Variants in SYT16 observed in about 807,000 individuals in gnomAD.
The protein encoded by SYT16 is synaptotagmin-16.
In SYT16, 42 loss-of-function variants were observed where a neutral mutation model predicts 61.4. The ratio of observed to expected loss-of-function variants is 0.68; its 90% CI spans 0.53 to 0.89. The LOEUF is 0.89. Ranked by LOEUF, SYT16 falls within the 40% of genes least tolerant of loss-of-function variation. The probability of loss-of-function intolerance (pLI) is 0.00; values close to 1 mark genes in which losing one functional copy is unlikely to be tolerated. For synonymous variants in SYT16, 314 were observed against 302.3 expected, an observed-to-expected ratio of 1.04 and a Z score of -0.40; for missense variants, 804 against 807.3, an observed-to-expected ratio of 1.00 and a Z score of 0.05.
At chr14:62,065,698 G>A (rs1036015328) in intron 3 of SYT16, among the ~76,000 whole-genome samples, 2 of 152,110 alleles carry the variant, frequency 1.3e-5, no homozygotes, top group Non-Finnish European at 2.9e-5. Context: ...GTCTAATCCA[G>A]ACACCCCTCA....
chr14:61,871,834 G>C (rs1165185252), intron 1 of SYT16, among the ~76,000 whole-genome samples: 1 of 152,064 alleles, frequency 6.6e-6, no homozygotes, highest in Non-Finnish European at 1.5e-5. Context: ...TTTTCTTTCA[G>C]TAGTTTTTGT....
chr14:62,066,390 G>T (rs557437051), intron 3 of SYT16, among the ~76,000 whole-genome samples: 1 of 152,254 alleles, frequency 6.6e-6, no homozygotes, highest in East Asian at 1.9e-4. Context: ...CAGTTTTCTT[G>T]GAAAAATGGA....
At position 61,890,489 on chromosome 14, in the gene SYT16, C is replaced by T. The variant is rs1447151115; in HGVS notation, c.-325+77679C>T. Among the ~76,000 whole-genome samples, 8 of 124,162 alleles carry T rather than the reference C, an allele frequency of 6.4e-5. No individual in the cohort carries two copies. The South Asian group carries it at 1.9e-3, about 29-fold the overall frequency. The allele number at this position is 124,162 out of a possible 152,430, so 81.5% of individuals were successfully genotyped here. A position where few individuals can be genotyped will look rare whatever the true frequency, so the allele number is the denominator to read the frequency against. On this transcript the variant is annotated intron_variant, in intron 1 of 7. Coordinates refer to ENST00000683842, the MANE Select transcript of SYT16 (RefSeq NM_001367656.1). ...GTCTTAAATATAGTCAAGAATGTTTCCTTCATGACAAAAAAAAAAAAAAAC... is the reference window on the plus strand; with the variant it reads ...GTCTTAAATATAGTCAAGAATGTTTTCTTCATGACAAAAAAAAAAAAAAAC...
intron 6 of SYT16, 31 bp downstream of exon 6, chr14:62,081,305 G>A: frequency 6.3e-7 from 1 of 1,590,744 alleles, no homozygotes; most frequent in South Asian, 1.1e-5. Context: ...TGCTAATGAT[G>A]TGGTGTGTTC....
chr14:62,043,370 T>A (rs1253966482), intron 3 of SYT16, among the ~76,000 whole-genome samples: 2 of 151,920 alleles, frequency 1.3e-5, no homozygotes, highest in Non-Finnish European at 2.9e-5. Context: ...GACTTTCTTT[T>A]TTAAAAAATC....
chr14:61,911,328 C>T (rs912748930), intron 1 of SYT16, among the ~76,000 whole-genome samples: 1 of 152,132 alleles, frequency 6.6e-6, no homozygotes, highest in Non-Finnish European at 1.5e-5. Context: ...TAATGTTTGG[C>T]CCTGATTTAG....
chr14:61,968,189 A>G (rs2353247), intron 1 of SYT16, among the ~76,000 whole-genome samples: 64,311 of 151,964 alleles, frequency 0.42, 14,201 homozygotes, highest in East Asian at 0.76. Context: ...TAAACTCAGG[A>G]GGCGGAGGTT....
At chr14:62,099,117 A>T (rs917113087) in intron 7 of SYT16, among the ~76,000 whole-genome samples, 2 of 152,182 alleles carry the variant, frequency 1.3e-5, no homozygotes, top group Admixed American at 6.5e-5. Flanking sequence ...CTACACCAAG[A>T]AATTGAGCTC....
chr14:62,093,054 A>G (rs1595397895), intron 7 of SYT16, among the ~76,000 whole-genome samples: 1 of 152,058 alleles, frequency 6.6e-6, no homozygotes, highest in Admixed American at 6.6e-5. Flanking sequence ...AGCAGGCTGT[A>G]TGTATGTGGG....
chr14:61,931,218 A>G (rs577833075), intron 1 of SYT16, among the ~76,000 whole-genome samples: 2 of 152,340 alleles, frequency 1.3e-5, no homozygotes, highest in South Asian at 4.1e-4. Flanking sequence ...TAAATAATGA[A>G]TAAATGAAAA....
chr14:61,902,077 G>T (rs554547164), intron 1 of SYT16, among the ~76,000 whole-genome samples: 23 of 152,178 alleles, frequency 1.5e-4, no homozygotes, highest in African/African-American at 4.3e-4. Flanking sequence ...TATAATTATT[G>T]AAAGGTCTCC....
chr14:61,832,130 C>A, intron 1 of SYT16: 1 of 718,930 alleles, frequency 1.4e-6, no homozygotes, highest in South Asian at 1.4e-5. Flanking sequence ...TGTGATACAA[C>A]TCGACTTTCC....
At chr14:62,097,904 A>G (rs1022138297) in intron 7 of SYT16, among the ~76,000 whole-genome samples, 8 of 152,234 alleles carry the variant, frequency 5.3e-5, no homozygotes, top group African/African-American at 1.9e-4. Context: ...CTTTTTCTAC[A>G]GGAATCATGT....
intron 2 of SYT16, among the ~76,000 whole-genome samples, chr14:61,994,979 T>A (rs557834593): frequency 1.3e-5 from 2 of 152,196 alleles, no homozygotes; most frequent in Non-Finnish European, 2.9e-5. Flanking sequence ...TTAAGCAGTG[T>A]GTTAGGCCCT....
chr14:61,859,043 TAGAG>T (rs898290274), intron 1 of SYT16, among the ~76,000 whole-genome samples: 7 of 151,440 alleles, frequency 4.6e-5, no homozygotes, highest in African/African-American at 1.7e-4. Flanking sequence ...GTATTTTTAG[TAGAG>T]ACGGGGTTTC....
chr14:62,045,265 T>A (rs1270748018), intron 3 of SYT16, among the ~76,000 whole-genome samples: 3 of 152,180 alleles, frequency 2.0e-5, no homozygotes, highest in Non-Finnish European at 2.9e-5. Flanking sequence ...TTTACATTAT[T>A]CTCATATAAT....
intron 3 of SYT16, among the ~76,000 whole-genome samples, chr14:62,047,469 C>T (rs548099956): frequency 7.7e-4 from 117 of 152,226 alleles, no homozygotes; most frequent in African/African-American, 2.6e-3. Context: ...CCGTTATTTC[C>T]TTCTCCTGCC....
intron 1 of SYT16, among the ~76,000 whole-genome samples, chr14:61,930,190 C>T (rs2049707854): frequency 6.6e-6 from 1 of 152,092 alleles, no homozygotes; most frequent in South Asian, 2.1e-4. Context: ...ATGGCTTGAT[C>T]TGCTCCTATC....
intron 5 of SYT16, among the ~76,000 whole-genome samples, chr14:62,078,936 A>G (rs1473245558): frequency 6.6e-6 from 1 of 152,248 alleles, no homozygotes. Context: ...GTTAAGGCCA[A>G]GAAGATCTGA....
Sources: allele counts gnomAD v4.1 joint callset (sites outside exome capture counted in the v4.1 genomes callset), GRCh38; gene constraint gnomAD v4.1.1; transcripts MANE v1.5; gene names NCBI Gene and HGNC (gene_info 2026-07-23, HGNC 2026-07-21).